The following PADI4 variants were observed in gnomAD, a reference collection of about 807,000 sequenced individuals.
PADI4 encodes the protein peptidyl arginine deiminase 4, also known as protein-arginine deiminase type-4.
PADI4 carries 62 observed loss-of-function variants against 75.0 expected under a neutral mutation model. That is an observed-to-expected ratio of 0.83 (90% confidence interval 0.67 to 1.02). The LOEUF is 1.02. PADI4 is among the 50% of genes least tolerant of loss of function. PADI4 has a pLI of 0.00. For missense variants in PADI4, 845 were observed against 850.5 expected (o/e 0.99, Z 0.08); for synonymous variants, 361 against 348.1 (o/e 1.04, Z -0.41).
chr1:17,354,812 G>A (rs1157591486), intron 11 of PADI4, 125 bp downstream of exon 11: 2 of 936,958 alleles, frequency 2.1e-6, no homozygotes, highest in East Asian at 2.7e-5. Flanking sequence ...TTGAGGGAGT[G>A]TGAGAGGAAT....
At chr1:17,359,216 G>GGGCC in intron 14 of PADI4, 64 bp from the exon 15 acceptor site, 2 of 802,006 alleles carry the variant, frequency 2.5e-6, no homozygotes, top group Non-Finnish European at 2.0e-6. Flanking sequence ...GCCCCACACT[G>GGGCC]TCCCCCACCC....
At chr1:17,317,505 G>A (rs953215614) in intron 1 of PADI4, among the ~76,000 whole-genome samples, 5 of 151,044 alleles carry the variant, frequency 3.3e-5, no homozygotes, top group East Asian at 2.0e-4. Flanking sequence ...TCCTGACCTC[G>A]TGATCCGCCC....
Position 17,356,548 on chromosome 1 carries a change from G to A in PADI4, c.1558+89G>A. 2.7e-6 allele frequency: 2 copies of A among 743,386 alleles called. No individual in the cohort carries two copies. The highest frequency in any genetic ancestry group is 4.7e-6 in the Non-Finnish European group (2 of 428,464). 46.0% of individuals were successfully genotyped at this position (743,386 alleles called of 1,614,324 possible). ...CCTGGAGGGAATCATCCAGGCAATA[G>A]GGTAGCATCTGAGCACCTACTGTGC... is the stretch of plus-strand genomic sequence containing the variant. On this transcript the variant is annotated intron_variant, in intron 13 of 15. Coordinates refer to ENST00000375448, the MANE Select transcript of PADI4 (RefSeq NM_012387.3). This position sits in a 1 kb window ranked among gnomAD's most constrained non-coding sequence, Gnocchi z 4.1.
chr1:17,308,545 GATAAATTATT>G (rs2073716226), intron 1 of PADI4, among the ~76,000 whole-genome samples: 1 of 152,144 alleles, frequency 6.6e-6, no homozygotes, highest in South Asian at 2.1e-4. Flanking sequence ...ACACACGACA[GATAAATTATT>G]ATGGGGCAAA....
Position 17,308,309 on chromosome 1 carries a change from C to T in PADI4, c.87C>T (p.Ile29=), listed in dbSNP as rs1342714878. 1 of 1,613,440 alleles carries T rather than the reference C, an allele frequency of 6.2e-7. No individual in the cohort carries two copies. The highest frequency in any genetic ancestry group is 8.5e-7 in the Non-Finnish European group (1 of 1,179,556). ...CVLGTLTQLD[I]CSSAPEDCTS... is the part of the protein sequence containing the mutation. ...TGGGCACCTTGACTCAGCTTGACAT[C>T]TGCAGGTAAGAGGGGGGCCTTCTGG... Residue 29 remains isoleucine, a synonymous_variant, in exon 1 of 16, where the codon ATC becomes ATT. Coordinates refer to ENST00000375448, the MANE Select transcript of PADI4 (RefSeq NM_012387.3).
At position 17,354,082 on chromosome 1, in the gene PADI4, A is replaced by G. The variant is rs547254097; in HGVS notation, c.1156-451A>G. Among the ~76,000 whole-genome samples the G allele has an allele frequency of 2.6e-5, 4 of 151,712 alleles. No homozygotes were observed. The South Asian group carries it at 8.4e-4, about 32-fold the overall frequency. On this transcript the variant is annotated intron_variant, in intron 10 of 15. Transcript: ENST00000375448. ...TGGTGAAACCCCATCTCTACTAAAA[A>G]AAAAAAAAAATACAAAAATTAGCTG... is the stretch of plus-strand genomic sequence containing the variant.
At chr1:17,347,871 C>T (rs6686575) in intron 9 of PADI4, 70 bp from the exon 10 acceptor site, 37,012 of 769,762 alleles carry the variant, frequency 0.048, 1,103 homozygotes, top group African/African-American at 0.11. Flanking sequence ...GTTTCATGCC[C>T]CCATCCTGGC....
rs372338820 is a variant in PADI4, at chr1:17,358,868, T to C, written c.1589T>C (p.Leu530Pro). ...KKKQQKIKNI[L>P]SNKTLREHNS... ...AAACAGCAGAAAATAAAGAACATTCTGTCAAACAAGACATTGAGAGAACAT... is the reference window on the plus strand; with the variant it reads ...AAACAGCAGAAAATAAAGAACATTCCGTCAAACAAGACATTGAGAGAACAT... The change falls in exon 14 of 16, where the codon CTG (leucine) becomes CCG (proline). Residue 530 changes from leucine to proline, a missense_variant. Leu to Pro is a moderately conservative substitution (Grantham distance 98, BLOSUM62 -3). Coordinates refer to ENST00000375448, the MANE Select transcript of PADI4 (RefSeq NM_012387.3). 9.3e-6 allele frequency: 15 copies of C among 1,608,254 alleles called. No homozygotes were observed. The highest frequency in any genetic ancestry group is 2.7e-5 in the African/African-American group (2 of 74,774).
intron 15 of PADI4, among the ~76,000 whole-genome samples, chr1:17,360,154 C>T (rs1376155445): frequency 6.6e-6 from 1 of 152,068 alleles, no homozygotes; most frequent in Non-Finnish European, 1.5e-5. Flanking sequence ...AGACAGGTGT[C>T]CTGGCAGGAG....
At chr1:17,358,990 C>T (rs2074807603) in intron 14 of PADI4, 82 bp downstream of exon 14, 1 of 928,700 alleles carries the variant, frequency 1.1e-6, no homozygotes, top group Non-Finnish European at 1.7e-6. Context: ...TAGAGGCACA[C>T]AGAGGCTCAG....
Position 17,338,032 on chromosome 1 carries a change from G to A in PADI4, c.409-6G>A, listed in dbSNP as rs764980678. 2 of 1,589,592 alleles carry A rather than the reference G, an allele frequency of 1.3e-6. No homozygotes were observed. The highest frequency in any genetic ancestry group is 1.7e-6 in the Non-Finnish European group (2 of 1,157,720). ...CTGAGCATGACTCTTCCCTGCTGGT[G>A]TCCAGAGGACCTGGACCTGGGGCCC... On this transcript the variant is annotated splice_polypyrimidine_tract_variant and splice_region_variant and intron_variant, in intron 4 of 15. Transcript: ENST00000375448.
chr1:17,349,448 T>C (rs1026361055), intron 10 of PADI4, among the ~76,000 whole-genome samples: 1 of 152,150 alleles, frequency 6.6e-6, no homozygotes, highest in African/African-American at 2.4e-5. Flanking sequence ...CTGACACCTG[T>C]AATCCCAGCA....
chr1:17,340,248 T>C (rs187633523), intron 6 of PADI4, among the ~76,000 whole-genome samples: 65 of 152,332 alleles, frequency 4.3e-4, no homozygotes, highest in African/African-American at 1.3e-3. Flanking sequence ...GCCATGACTG[T>C]GACCGAGTCC....
At chr1:17,358,767 C>G in intron 13 of PADI4, 71 bp from the exon 14 acceptor site, 3 of 962,190 alleles carry the variant, frequency 3.1e-6, no homozygotes, top group Non-Finnish European at 4.9e-6. Context: ...AGTCCCCCCC[C>G]GGCACTGGCT....
At chr1:17,354,416 C>A in intron 10 of PADI4, 117 bp from the exon 11 acceptor site, 1 of 838,624 alleles carries the variant, frequency 1.2e-6, no homozygotes, top group Admixed American at 1.8e-5. Context: ...TATGTGCCAG[C>A]TGTAGACGGT....
intron 1 of PADI4, among the ~76,000 whole-genome samples, chr1:17,328,699 T>G (rs970907464): frequency 1.3e-5 from 2 of 152,104 alleles, no homozygotes; most frequent in African/African-American, 4.8e-5. Context: ...AACAATATCT[T>G]AATTCCCATT....
chr1:17,354,797 C>A (rs942210320), intron 11 of PADI4, 110 bp downstream of exon 11: 3 of 1,055,718 alleles, frequency 2.8e-6, no homozygotes, highest in African/African-American at 3.2e-5. Context: ...GACAGCCCAA[C>A]AGACTTGAGG....
chr1:17,336,248 C>T (rs760281584), intron 4 of PADI4, 22 bp downstream of exon 4: 9 of 1,605,080 alleles, frequency 5.6e-6, no homozygotes, highest in Non-Finnish European at 7.7e-6. Flanking sequence ...CCAAACGCTC[C>T]TTTCCTACTT....
At chr1:17,350,842 C>A (rs1256864140) in intron 10 of PADI4, among the ~76,000 whole-genome samples, 1 of 129,222 alleles carries the variant, frequency 7.7e-6, no homozygotes, top group Non-Finnish European at 1.8e-5. Context: ...AGACAGACAG[C>A]AGACAATGAA....
Sources: allele counts gnomAD v4.1 joint callset (sites outside exome capture counted in the v4.1 genomes callset), GRCh38; gene constraint gnomAD v4.1.1; non-coding constraint Gnocchi (gnomAD v3.1); transcripts MANE v1.5; gene names NCBI Gene and HGNC (gene_info 2026-07-23, HGNC 2026-07-21).